The following PHF20L1 variants were observed in gnomAD, a reference collection of about 807,000 sequenced individuals.
PHF20L1 encodes PHD finger protein 20-like protein 1.
PHF20L1 carries 44 observed loss-of-function variants against 125.5 expected under a neutral mutation model. The ratio of observed to expected loss-of-function variants is 0.35; its 90% CI spans 0.28 to 0.45. PHF20L1 has a LOEUF of 0.45. Ranked by LOEUF, PHF20L1 falls within the 20% of genes least tolerant of loss-of-function variation. The probability of loss-of-function intolerance (pLI) is 1.00; values close to 1 mark genes in which losing one functional copy is unlikely to be tolerated. For synonymous variants in PHF20L1, 380 were observed against 403.1 expected (o/e 0.94, Z 0.69); for missense variants, 1,012 against 1,217.2 (o/e 0.83, Z 2.51).
intron 13 of PHF20L1, 38 bp from the exon 14 acceptor site, chr8:132,825,226 C>CAA (rs1836039445): frequency 6.3e-7 from 1 of 1,590,902 alleles, no homozygotes; most frequent in Admixed American, 1.7e-5. Flanking sequence ...AACTCAGGAT[C>CAA]AGTCGTGATT....
At chr8:132,835,658 C>G (rs533313845) in intron 15 of PHF20L1, among the ~76,000 whole-genome samples, 19 of 152,176 alleles carry the variant, frequency 1.2e-4, no homozygotes, top group African/African-American at 4.3e-4. Flanking sequence ...TATATTTTTA[C>G]CAAGACGAAA....
intron 2 of PHF20L1, among the ~76,000 whole-genome samples, chr8:132,779,265 A>G (rs889927222): frequency 6.6e-6 from 1 of 152,204 alleles, no homozygotes; most frequent in Admixed American, 6.5e-5. Flanking sequence ...TCTCCTAGTG[A>G]CGATCAAAAT....
At chr8:132,786,158 C>T (rs1830999668) in intron 2 of PHF20L1, among the ~76,000 whole-genome samples, 1 of 152,038 alleles carries the variant, frequency 6.6e-6, no homozygotes, top group South Asian at 2.1e-4. Context: ...TTCCTTAGTT[C>T]TGTAACATAT....
intron 18 of PHF20L1, among the ~76,000 whole-genome samples, chr8:132,841,023 G>T (rs192109305): frequency 6.9e-4 from 105 of 152,088 alleles, no homozygotes; most frequent in Non-Finnish European, 1.2e-3. Flanking sequence ...AAGACTTAAG[G>T]GAGGGAATAA....
intron 12 of PHF20L1, among the ~76,000 whole-genome samples, chr8:132,821,221 C>G (rs1268073776): frequency 6.7e-6 from 1 of 150,112 alleles, no homozygotes; most frequent in East Asian, 1.9e-4. Flanking sequence ...TTACTTATTA[C>G]ATAGATACTT....
At chr8:132,786,943 C>CAAGGCA (rs1831108754) in intron 2 of PHF20L1, among the ~76,000 whole-genome samples, 1 of 151,946 alleles carries the variant, frequency 6.6e-6, no homozygotes, top group Non-Finnish European at 1.5e-5. Flanking sequence ...AACAAATTAA[C>CAAGGCA]TATCTGTAGT....
chr8:132,827,186 CTG>C (rs371542966), intron 14 of PHF20L1, among the ~76,000 whole-genome samples: 223 of 151,626 alleles, frequency 1.5e-3, no homozygotes, highest in African/African-American at 5.3e-3. Context: ...TCATATGTAA[CTG>C]TGGAATTCAA....
At chr8:132,786,950 T>A (rs1831110829) in intron 2 of PHF20L1, among the ~76,000 whole-genome samples, 1 of 152,106 alleles carries the variant, frequency 6.6e-6, no homozygotes, top group Non-Finnish European at 1.5e-5. Flanking sequence ...TAACTATCTG[T>A]AGTAAAGTTT....
chr8:132,801,157 G>A (rs1445172824), intron 6 of PHF20L1, among the ~76,000 whole-genome samples: 2 of 151,700 alleles, frequency 1.3e-5, no homozygotes, highest in Non-Finnish European at 3.0e-5. Context: ...TTGGAAGCTT[G>A]TAACAGAAGT....
rs776588809 is a variant in PHF20L1 at position 132,811,138 on chromosome 8, G to A, written c.930+10G>A. The A allele has an allele frequency of 6.2e-7, 1 of 1,609,456 alleles. No homozygotes were observed. Among genetic ancestry groups the A allele is most frequent in the Non-Finnish European group, 8.5e-7 (1 of 1,176,556 alleles). ...TCCAATGCTGGAGCAGGTATGAAAT[G>A]GTAGCATTTGATTTTTTTCAAGGTT... is the stretch of plus-strand genomic sequence containing the variant. On this transcript the variant is annotated intron_variant, in intron 9 of 20. Transcript: ENST00000395386.
intron 8 of PHF20L1, chr8:132,808,329 GTAATATCC>G (rs1833966933): frequency 6.6e-6 from 1 of 152,080 alleles, no homozygotes; most frequent in African/African-American, 2.4e-5. Flanking sequence ...AACTGGGTCT[GTAATATCC>G]TAATGTAAAT....
At chr8:132,796,368 C>T (rs1215998259) in intron 4 of PHF20L1, among the ~76,000 whole-genome samples, 1 of 151,592 alleles carries the variant, frequency 6.6e-6, no homozygotes, top group Non-Finnish European at 1.5e-5. Context: ...GTGATGGGAG[C>T]CATGGAAGAG....
intron 8 of PHF20L1, chr8:132,806,731 G>A (rs1833753313): frequency 6.6e-6 from 1 of 152,022 alleles, no homozygotes; most frequent in African/African-American, 2.4e-5. Flanking sequence ...ATATAAAATA[G>A]TAATTTTGTT....
At chr8:132,802,485 C>T (rs768033018) in intron 6 of PHF20L1, among the ~76,000 whole-genome samples, 10 of 151,672 alleles carry the variant, frequency 6.6e-5, no homozygotes, top group Non-Finnish European at 1.0e-4. Context: ...GTTTATTTCT[C>T]CAGTACATCT....
At chr8:132,799,282 C>G (rs911039680) in intron 6 of PHF20L1, 110 bp downstream of exon 6, 100 of 614,496 alleles carry the variant, frequency 1.6e-4, no homozygotes, top group Middle Eastern at 4.5e-4. Context: ...TTATCTTCTT[C>G]TTTCCTTCTA....
At chr8:132,811,982 T>C in intron 9 of PHF20L1, 1 of 979,686 alleles carries the variant, frequency 1.0e-6, no homozygotes, top group Non-Finnish European at 1.2e-6. Context: ...ATTTAATTGA[T>C]ATTGTATTGA....
At chr8:132,839,666 G>C in intron 18 of PHF20L1, 84 bp downstream of exon 18, 1 of 902,524 alleles carries the variant, frequency 1.1e-6, no homozygotes, top group South Asian at 1.5e-5. Flanking sequence ...TGATGGTCCA[G>C]AGTAACAGTT....
rs373288550 is a variant in PHF20L1, at chr8:132,825,091, A to G, written c.1637-173A>G. 2.6e-6 allele frequency: 4 copies of G among 1,517,918 alleles called. No individual in the cohort carries two copies. In the South Asian group the frequency reaches 3.4e-5, roughly 13 times the overall value. 94.0% of individuals were successfully genotyped at this position (1,517,918 alleles called of 1,614,324 possible). On this transcript the variant is annotated intron_variant, in intron 13 of 20. Transcript: ENST00000395386. The stretch of plus-strand genomic sequence containing the variant: ...AATGAAGATCCCCTCTTATAGTCCA[A>G]TAAGCTTATCAGGACTTCCAGAGTC...
chr8:132,782,783 T>C (rs1032402266), intron 2 of PHF20L1, among the ~76,000 whole-genome samples: 1 of 151,818 alleles, frequency 6.6e-6, no homozygotes, highest in Non-Finnish European at 1.5e-5. Flanking sequence ...TTTTTTTTTT[T>C]TTGGTAGAGA....
Sources: gnomAD v4.1 joint callset for allele counts (sites outside exome capture counted in the v4.1 genomes callset) on GRCh38, gnomAD v4.1.1 for gene constraint, MANE v1.5 for transcripts, NCBI Gene and HGNC (gene_info 2026-07-23, HGNC 2026-07-21) for gene names.